The following DEPDC5 variants were observed in gnomAD, a reference collection of about 807,000 sequenced individuals.
DEPDC5 encodes DEP domain containing 5, GATOR1 subcomplex subunit, also known as GATOR1 complex protein DEPDC5.
In DEPDC5, 73 loss-of-function variants were observed where a neutral mutation model predicts 217.3. The ratio of observed to expected loss-of-function variants is 0.34; its 90% CI spans 0.28 to 0.41. DEPDC5 has a LOEUF of 0.41. Ranked by LOEUF, DEPDC5 falls within the 10% of genes least tolerant of loss-of-function variation. The pLI is 1.00. For missense variants in DEPDC5, 1,675 were observed against 2,070.1 expected, an observed-to-expected ratio of 0.81 and a Z score of 3.70; for synonymous variants, 733 against 756.7, an observed-to-expected ratio of 0.97 and a Z score of 0.51.
Position 31,858,644 on chromosome 22 carries a change from C to T in DEPDC5, c.3264+1091C>T, listed in dbSNP as rs79874859. ...AAAATAATTATATACTTTTTTCTTT[C>T]GTTTTTTTTCCCCTAAGCAACCCCA... is the stretch of plus-strand genomic sequence containing the variant. On this transcript the variant is annotated intron_variant, in intron 32 of 42. Transcript: ENST00000651528. 662 of 151,934 alleles carry T rather than the reference C, an allele frequency of 4.4e-3. 3 individuals carry two copies. The highest frequency in any genetic ancestry group is 0.015 in the African/African-American group (632 of 41,470). 9.4% of individuals were successfully genotyped at this position (151,934 alleles called of 1,614,324 possible).
intron 24 of DEPDC5, among the ~76,000 whole-genome samples, chr22:31,832,510 G>A (rs563580019): frequency 2.0e-5 from 3 of 150,462 alleles, no homozygotes; most frequent in Non-Finnish European, 3.0e-5. Flanking sequence ...CTTTTGAGAC[G>A]GGGTCTTGCT....
intron 39 of DEPDC5, 99 bp downstream of exon 39, chr22:31,893,850 G>T: frequency 7.7e-7 from 1 of 1,298,490 alleles, no homozygotes; most frequent in South Asian, 1.9e-5. Context: ...TTTTAGTTCA[G>T]GCTCTTATTA....
chr22:31,893,181 T>A (rs904273859), intron 38 of DEPDC5, among the ~76,000 whole-genome samples: 1 of 152,124 alleles, frequency 6.6e-6, no homozygotes, highest in Non-Finnish European at 1.5e-5. Context: ...GCTGGTGTTG[T>A]ATATTCTGTA....
intron 25 of DEPDC5, among the ~76,000 whole-genome samples, chr22:31,835,283 C>T (rs768610087): frequency 1.1e-4 from 17 of 152,206 alleles, no homozygotes; most frequent in Non-Finnish European, 2.2e-4. Flanking sequence ...TTCTATTTCT[C>T]TACAACCCTG....
chr22:31,846,195 T>C (rs2091727199), intron 30 of DEPDC5, among the ~76,000 whole-genome samples: 1 of 152,180 alleles, frequency 6.6e-6, no homozygotes, highest in Admixed American at 6.5e-5. Flanking sequence ...TGTACTTTTG[T>C]CTTTTCCAAA....
At chr22:31,806,216 G>C in intron 18 of DEPDC5, 25 bp downstream of exon 18, 1 of 1,596,310 alleles carries the variant, frequency 6.3e-7, no homozygotes, top group Non-Finnish European at 8.6e-7. Flanking sequence ...TTGTTAAGAC[G>C]GGGTCTTATT....
chr22:31,785,779 T>C (rs533456457), intron 10 of DEPDC5, among the ~76,000 whole-genome samples: 1 of 152,296 alleles, frequency 6.6e-6, no homozygotes, highest in Non-Finnish European at 1.5e-5. Context: ...TGGAATTGAA[T>C]TGAAACCAAC....
chr22:31,795,734 C>CT lies in DEPDC5; in HGVS notation c.768-1853dup, dbSNP rs966638640. On this transcript the variant is annotated intron_variant, in intron 12 of 42. Coordinates refer to ENST00000651528, the MANE Select transcript of DEPDC5 (RefSeq NM_001242896.3). ...TTAAACCTTCATTTTCTTTCATTTC[C>CT]TTTTTTTTTTTTTGAGTCGGAGTTT... Among the ~76,000 whole-genome samples the CT allele has an allele frequency of 7.5e-3, 1,064 of 141,334 alleles. 7 individuals carry two copies. Among genetic ancestry groups the CT allele is most frequent in the African/African-American group, 0.015 (564 of 38,644 alleles). 92.7% of individuals were successfully genotyped at this position (141,334 alleles called of 152,430 possible).
rs932311185 is a variant in DEPDC5 at position 31,884,829 on chromosome 22, G to A, written c.4033+5077G>A. 3.3e-5 allele frequency among the ~76,000 whole-genome samples: 5 copies of A among 152,098 alleles called. No homozygotes were observed. In the East Asian group the frequency reaches 7.7e-4, roughly 23 times the overall value. ...AACCAGCTAGCCCTGCTGTTTCCCC[G>A]CAACACCTTCGTCTTGCCTTCTCAT... On this transcript the variant is annotated intron_variant, in intron 38 of 42. Transcript: ENST00000651528.
At chr22:31,822,642 A>G in intron 23 of DEPDC5, 51 bp from the exon 24 acceptor site, 1 of 1,580,048 alleles carries the variant, frequency 6.3e-7, no homozygotes, top group Non-Finnish European at 8.7e-7. Flanking sequence ...GAGCAGGAAA[A>G]AGAGGTGATG....
In DEPDC5 at chr22:31,837,173, AG is replaced by A; in HGVS notation, c.2354+20del. The stretch of plus-strand genomic sequence containing the variant: ...ATCGACAGGTCAGTGTCAGAGAAAA[AG>A]GCACTTGGCTTGGTTGGTGAGGGTT... On this transcript the variant is annotated intron_variant, in intron 26 of 42. Coordinates refer to ENST00000651528, the MANE Select transcript of DEPDC5 (RefSeq NM_001242896.3). The A allele has an allele frequency of 6.2e-7, 1 of 1,613,212 alleles. No homozygotes were observed. Among genetic ancestry groups the A allele is most frequent in the Non-Finnish European group, 8.5e-7 (1 of 1,179,512 alleles).
At chr22:31,776,556 T>A (rs1338181062) in intron 7 of DEPDC5, among the ~76,000 whole-genome samples, 1 of 149,884 alleles carries the variant, frequency 6.7e-6, no homozygotes, top group Non-Finnish European at 1.5e-5. Flanking sequence ...CTTTACTTTT[T>A]CTACTGTACT....
intron 30 of DEPDC5, 57 bp downstream of exon 30, chr22:31,845,294 C>A: frequency 6.4e-7 from 1 of 1,559,722 alleles, no homozygotes; most frequent in Non-Finnish European, 8.7e-7. Context: ...GGCCTGCCAC[C>A]TCCTCTATTA....
chr22:31,812,487 C>T (rs922194865), intron 20 of DEPDC5, among the ~76,000 whole-genome samples: 1 of 136,412 alleles, frequency 7.3e-6, no homozygotes, highest in African/African-American at 2.8e-5. Context: ...TGTAGTGGCG[C>T]GATCTCGGCT....
At chr22:31,884,181 C>T (rs2093249913) in intron 38 of DEPDC5, among the ~76,000 whole-genome samples, 1 of 152,182 alleles carries the variant, frequency 6.6e-6, no homozygotes, top group South Asian at 2.1e-4. Context: ...TGCCCTCGCC[C>T]AGTAGCTGTG....
Position 31,804,741 on chromosome 22 carries a change from T to TA in DEPDC5, c.1144-95dup, listed in dbSNP as rs2087303226. The TA allele has an allele frequency of 3.1e-6, 4 of 1,271,840 alleles. No individual in the cohort carries two copies. The East Asian group carries it at 9.6e-5, about 30-fold the overall frequency. The allele number at this position is 1,271,840 out of a possible 1,614,324, so 78.8% of individuals were successfully genotyped here. A position where few individuals can be genotyped will look rare whatever the true frequency, so the allele number is the denominator to read the frequency against. ...AGGCATGACCCACAGCGCCCAGCCC[T>TA]AAAAAATTTTTTTTAAAAACCTGAA... On this transcript the variant is annotated intron_variant, in intron 16 of 42. Coordinates refer to ENST00000651528, the MANE Select transcript of DEPDC5 (RefSeq NM_001242896.3).
At chr22:31,798,693 C>G (rs1409644611) in intron 14 of DEPDC5, 37 bp downstream of exon 14, 2 of 1,593,924 alleles carry the variant, frequency 1.3e-6, no homozygotes, top group Admixed American at 1.7e-5. Flanking sequence ...AGCATCTTGC[C>G]TACCACATGG....
At chr22:31,866,472 G>A (rs1046214212) in intron 33 of DEPDC5, among the ~76,000 whole-genome samples, 16 of 151,982 alleles carry the variant, frequency 1.1e-4, no homozygotes, top group African/African-American at 3.1e-4. Context: ...TGCAACCTCC[G>A]CCTCCCGAGT....
chr22:31,880,068 T>C (rs2093133388), intron 38 of DEPDC5: 2 of 338,688 alleles, frequency 5.9e-6, no homozygotes, highest in South Asian at 5.8e-5. Context: ...AGATGTGAGA[T>C]AGTGCTCATT....
Sources: allele counts gnomAD v4.1 joint callset (sites outside exome capture counted in the v4.1 genomes callset), GRCh38; gene constraint gnomAD v4.1.1; transcripts MANE v1.5; gene names NCBI Gene and HGNC (gene_info 2026-07-23, HGNC 2026-07-21).